The following HLCS variants were observed in gnomAD, a reference collection of about 807,000 sequenced individuals.
HLCS encodes holocarboxylase synthetase.
HLCS carries 53 observed loss-of-function variants against 75.0 expected under a neutral mutation model. The ratio of observed to expected loss-of-function variants is 0.71; its 90% CI spans 0.57 to 0.89. HLCS has a LOEUF of 0.89. Ranked by LOEUF, HLCS falls within the 40% of genes least tolerant of loss-of-function variation. The probability of loss-of-function intolerance (pLI) is 0.00; values close to 1 mark genes in which losing one functional copy is unlikely to be tolerated. For missense variants in HLCS, 966 were observed against 1,074.0 expected, an observed-to-expected ratio of 0.90 and a Z score of 1.41; for synonymous variants, 431 against 428.6, an observed-to-expected ratio of 1.01 and a Z score of -0.07.
chr21:36,977,226 G>A (rs1220027557), intron 1 of HLCS, among the ~76,000 whole-genome samples: 1 of 151,968 alleles, frequency 6.6e-6, no homozygotes, highest in Non-Finnish European at 1.5e-5. Flanking sequence ...TTATATTTCA[G>A]GCATGTAAAA....
intron 6 of HLCS, among the ~76,000 whole-genome samples, chr21:36,781,587 C>T (rs1345626363): frequency 6.6e-6 from 1 of 152,004 alleles, no homozygotes; most frequent in Non-Finnish European, 1.5e-5. Flanking sequence ...TTATATCCTG[C>T]TCTATTACTG....
At chr21:36,952,789 C>CAAA (rs35700333) in intron 2 of HLCS, among the ~76,000 whole-genome samples, 21 of 48,628 alleles carry the variant, frequency 4.3e-4, no homozygotes, top group East Asian at 5.9e-4. Context: ...GACTCCGTCT[C>CAAA]AAAAAAAAAA....
At chr21:36,894,133 C>G (rs1265837396) in intron 6 of HLCS, among the ~76,000 whole-genome samples, 1 of 152,216 alleles carries the variant, frequency 6.6e-6, no homozygotes, top group East Asian at 1.9e-4. Context: ...GACACCACCC[C>G]CTTTGCTCTC....
chr21:36,933,611 T>C (rs1422459404), intron 4 of HLCS, among the ~76,000 whole-genome samples: 1 of 147,914 alleles, frequency 6.8e-6, no homozygotes, highest in African/African-American at 2.5e-5. Flanking sequence ...ACCCTAAATG[T>C]GTACCTCTCC....
chr21:36,882,307 C>A (rs544475008), intron 6 of HLCS, among the ~76,000 whole-genome samples: 2 of 151,732 alleles, frequency 1.3e-5, no homozygotes, highest in South Asian at 4.2e-4. Flanking sequence ...AGCCACAGAT[C>A]TAGTATAACC....
chr21:36,789,826 T>C (rs1417909504), intron 6 of HLCS, among the ~76,000 whole-genome samples: 1 of 152,246 alleles, frequency 6.6e-6, no homozygotes, highest in Non-Finnish European at 1.5e-5. Flanking sequence ...TATCTTGCCA[T>C]AGTCTTTCTG....
upstream of HLCS, among the ~76,000 whole-genome samples, chr21:36,970,691 G>C (rs1296298512): frequency 6.6e-6 from 1 of 150,886 alleles, no homozygotes; most frequent in Non-Finnish European, 1.5e-5. Context: ...TAAGAACCAA[G>C]GAACTATGTA....
intron 6 of HLCS, among the ~76,000 whole-genome samples, chr21:36,893,061 C>T (rs2064858363): frequency 6.6e-6 from 1 of 152,062 alleles, no homozygotes; most frequent in Non-Finnish European, 1.5e-5. Context: ...AGGCATGAGC[C>T]ACAAAAAAAG....
chr21:36,889,994 G>T (rs947797191), intron 6 of HLCS, among the ~76,000 whole-genome samples: 18 of 152,238 alleles, frequency 1.2e-4, no homozygotes, highest in African/African-American at 3.9e-4. Context: ...GATCATGGGG[G>T]TTGTTTCTCC....
chr21:36,820,372 CG>C (rs1393156974), intron 6 of HLCS, among the ~76,000 whole-genome samples: 2 of 152,086 alleles, frequency 1.3e-5, no homozygotes, highest in Admixed American at 6.5e-5. Context: ...CAGCCACGGC[CG>C]GGCCGCCGAC....
rs761549990 is a variant in HLCS, at chr21:36,793,295, C to CTTTTTTTTTTTTTTTT, written c.1893-26026_1893-26011dup. Among the ~76,000 whole-genome samples the CTTTTTTTTTTTTTTTT allele has an allele frequency of 3.8e-4, 44 of 116,242 alleles. 2 individuals carry two copies. The highest frequency in any genetic ancestry group is 5.5e-4 in the Non-Finnish European group (31 of 55,980). The allele number at this position is 116,242 out of a possible 152,430, so 76.3% of individuals were successfully genotyped here. A position where few individuals can be genotyped will look rare whatever the true frequency, so the allele number is the denominator to read the frequency against. On this transcript the variant is annotated intron_variant, in intron 6 of 10. Transcript: ENST00000674895. Reference sequence around the variant, plus strand: ...AGAACACGGGACAGCAGGAAGCAGTCTTTTTTTTTTTTTTTTTTGAGATAG... The same window carrying CTTTTTTTTTTTTTTTT: ...AGAACACGGGACAGCAGGAAGCAGTCTTTTTTTTTTTTTTTTTTTTTTTTTTTTTTTTTTGAGATAG...
intron 5 of HLCS, among the ~76,000 whole-genome samples, chr21:36,913,819 T>C (rs745560592): frequency 1.1e-4 from 16 of 152,176 alleles, no homozygotes; most frequent in African/African-American, 1.4e-4. Flanking sequence ...CTGTGCCTAC[T>C]TAGACAAGGC....
At chr21:36,841,546 A>G (rs2062615301) in intron 6 of HLCS, among the ~76,000 whole-genome samples, 1 of 152,242 alleles carries the variant, frequency 6.6e-6, no homozygotes, top group South Asian at 2.1e-4. Context: ...TGAAGATGGC[A>G]AGGGCTAGGG....
intron 6 of HLCS, among the ~76,000 whole-genome samples, chr21:36,857,404 G>A (rs1403917954): frequency 1.3e-5 from 2 of 152,176 alleles, no homozygotes; most frequent in Non-Finnish European, 2.9e-5. Context: ...GAGAACCTCC[G>A]TCTCCTTGCT....
At chr21:36,980,167 G>A (rs1182412391) in intron 1 of HLCS, among the ~76,000 whole-genome samples, 1 of 148,726 alleles carries the variant, frequency 6.7e-6, no homozygotes, top group African/African-American at 2.5e-5. Flanking sequence ...CATCCAGCCT[G>A]AGCAATGGAG....
At chr21:36,855,624 A>C (rs186965797) in intron 6 of HLCS, among the ~76,000 whole-genome samples, 7 of 151,140 alleles carry the variant, frequency 4.6e-5, no homozygotes, top group Admixed American at 2.0e-4. Context: ...TCTATTGTCC[A>C]GGCTGGAAAT....
At chr21:36,790,432 A>G (rs1397150386) in intron 6 of HLCS, among the ~76,000 whole-genome samples, 1 of 152,140 alleles carries the variant, frequency 6.6e-6, no homozygotes, top group African/African-American at 2.4e-5. Context: ...ACAAAAAAAC[A>G]TTTTGGTGTG....
In HLCS at chr21:36,938,348, A is replaced by C. The variant is rs144728880; in HGVS notation, c.493+484T>G. On this transcript the variant is annotated intron_variant, in intron 3 of 10. Coordinates refer to ENST00000674895, the MANE Select transcript of HLCS (RefSeq NM_001352514.2). ...GAAATTTAATAAGCACTGAAAATGT[A>C]CCCTGCAGCCCCCCAAAAAAATCTT... Among the ~76,000 whole-genome samples the C allele has an allele frequency of 2.0e-5, 3 of 152,314 alleles. No individual in the cohort carries two copies. In the East Asian group the frequency reaches 5.8e-4, roughly 29 times the overall value.
At chr21:36,847,484 C>T (rs1209417706) in intron 6 of HLCS, among the ~76,000 whole-genome samples, 3 of 152,076 alleles carry the variant, frequency 2.0e-5, no homozygotes, top group South Asian at 2.1e-4. Flanking sequence ...TACTATCCTA[C>T]GTTAGAGTCA....
Sources: gnomAD v4.1 joint callset for allele counts (sites outside exome capture counted in the v4.1 genomes callset) on GRCh38, gnomAD v4.1.1 for gene constraint, MANE v1.5 for transcripts, NCBI Gene and HGNC (gene_info 2026-07-23, HGNC 2026-07-21) for gene names.